The following GNG12 variants were observed in gnomAD, a reference collection of about 807,000 sequenced individuals.
GNG12 encodes the protein G protein subunit gamma 12.
For missense variants in GNG12, 69 were observed against 83.8 expected (o/e 0.82, Z 0.69); for synonymous variants, 28 against 29.7 (o/e 0.94, Z 0.19).
chr1:67,717,304 T>C (rs1646331182), intron 2 of GNG12, among the ~76,000 whole-genome samples: 1 of 152,008 alleles, frequency 6.6e-6, no homozygotes, highest in Non-Finnish European at 1.5e-5. Context: ...TCACTTGAGG[T>C]CAGGAGTTGA....
intron 2 of GNG12, among the ~76,000 whole-genome samples, chr1:67,771,968 G>A (rs528784937): frequency 3.0e-4 from 46 of 152,226 alleles, no homozygotes; most frequent in Non-Finnish European, 5.6e-4. Flanking sequence ...GTTCCATAAG[G>A]AGCTATGCTT....
intron 2 of GNG12, among the ~76,000 whole-genome samples, chr1:67,744,134 T>G (rs777717725): frequency 5.9e-5 from 9 of 152,324 alleles, no homozygotes; most frequent in Non-Finnish European, 8.8e-5. Flanking sequence ...ATTACCTCAT[T>G]TAATCTTCAC....
Position 67,821,049 on chromosome 1 carries a change from T to C in GNG12, c.-77+12295A>G, listed in dbSNP as rs189361753. ...AGCTGTTTTATTCCTAAGCCAAATA[T>C]GGTGTTTCATCAATTCTAAGAAGCA... On this transcript the variant is annotated intron_variant, in intron 1 of 3. Coordinates refer to ENST00000370982, the MANE Select transcript of GNG12 (RefSeq NM_018841.6). Among the ~76,000 whole-genome samples the C allele has an allele frequency of 3.3e-5, 5 of 152,266 alleles. No homozygotes were observed. In the East Asian group the frequency reaches 9.7e-4, roughly 29 times the overall value.
At chr1:67,765,374 G>A (rs1417376174) in intron 2 of GNG12, among the ~76,000 whole-genome samples, 1 of 152,130 alleles carries the variant, frequency 6.6e-6, no homozygotes, top group South Asian at 2.1e-4. Flanking sequence ...CTTGAGGGAT[G>A]AAGATCTAGA....
chr1:67,749,052 A>G (rs516953), intron 2 of GNG12, among the ~76,000 whole-genome samples: 108,310 of 151,994 alleles, frequency 0.71, 38,710 homozygotes, highest in African/African-American at 0.76. Context: ...GGAGGGGAGG[A>G]GGTGGGGAAC....
At chr1:67,750,005 A>G (rs1475382378) in intron 2 of GNG12, among the ~76,000 whole-genome samples, 1 of 152,188 alleles carries the variant, frequency 6.6e-6, no homozygotes, top group Non-Finnish European at 1.5e-5. Context: ...AAAGGCTATG[A>G]TTCACCAGGG....
chr1:67,792,277 G>A (rs1646805816), intron 1 of GNG12, among the ~76,000 whole-genome samples: 1 of 152,020 alleles, frequency 6.6e-6, no homozygotes, highest in African/African-American at 2.4e-5. Context: ...CCTGACACAG[G>A]CTAGGCATTC....
At chr1:67,785,104 G>A (rs1163129838) in intron 1 of GNG12, among the ~76,000 whole-genome samples, 3 of 108,960 alleles carry the variant, frequency 2.8e-5, no homozygotes, top group Admixed American at 1.0e-4. Context: ...GTGAAGAGAA[G>A]TATTTTGTGC....
At chr1:67,787,560 G>GA (rs1432638536) in intron 1 of GNG12, among the ~76,000 whole-genome samples, 1 of 152,176 alleles carries the variant, frequency 6.6e-6, no homozygotes, top group Non-Finnish European at 1.5e-5. Flanking sequence ...CTTCACATCA[G>GA]AAAGAGCACT....
intron 2 of GNG12, among the ~76,000 whole-genome samples, chr1:67,776,627 A>T (rs1646706902): frequency 6.6e-6 from 1 of 152,186 alleles, no homozygotes; most frequent in Non-Finnish European, 1.5e-5. Context: ...CCTGACAGCC[A>T]GTGACCCCCA....
At chr1:67,764,883 G>A (rs1646626767) in intron 2 of GNG12, among the ~76,000 whole-genome samples, 1 of 152,156 alleles carries the variant, frequency 6.6e-6, no homozygotes, top group Admixed American at 6.6e-5. Context: ...CAAGTAGCAA[G>A]AACACAGAGG....
chr1:67,749,188 G>A (rs769936269), intron 2 of GNG12, among the ~76,000 whole-genome samples: 1 of 152,182 alleles, frequency 6.6e-6, no homozygotes, highest in East Asian at 1.9e-4. Flanking sequence ...TAGTTTGGAG[G>A]GAGACAGATT....
intron 2 of GNG12, among the ~76,000 whole-genome samples, chr1:67,742,486 G>A (rs1327534225): frequency 1.3e-5 from 2 of 152,076 alleles, no homozygotes; most frequent in African/African-American, 4.8e-5. Flanking sequence ...CTCTGTGGCA[G>A]GCACTGTGCT....
At position 67,814,041 on chromosome 1, in the gene GNG12, G is replaced by A. The variant is rs149100252; in HGVS notation, c.-77+19303C>T. On this transcript the variant is annotated intron_variant, in intron 1 of 3. Coordinates refer to ENST00000370982, the MANE Select transcript of GNG12 (RefSeq NM_018841.6). ...TACATAGGTAGCAAGTGTCAGAGCT[G>A]GGATTTAAACCCTGCCAGTCAGGCT... 2.2e-4 allele frequency among the ~76,000 whole-genome samples: 33 copies of A among 152,240 alleles called. No homozygotes were observed. In the East Asian group the frequency reaches 3.9e-3, roughly 18 times the overall value.
intron 2 of GNG12, among the ~76,000 whole-genome samples, chr1:67,721,473 T>A (rs1336689489): frequency 6.6e-6 from 1 of 152,136 alleles, no homozygotes; most frequent in Non-Finnish European, 1.5e-5. Flanking sequence ...TAACAATCCT[T>A]ATGAATGATT....
intron 2 of GNG12, among the ~76,000 whole-genome samples, chr1:67,715,319 C>A (rs978969136): frequency 2.0e-5 from 3 of 152,300 alleles, no homozygotes; most frequent in Non-Finnish European, 4.4e-5. Flanking sequence ...TGAGAAAATT[C>A]ATTTCTGTTG....
chr1:67,705,819 C>G (rs777790109), intron 3 of GNG12, among the ~76,000 whole-genome samples: 2 of 152,158 alleles, frequency 1.3e-5, no homozygotes, highest in Admixed American at 1.3e-4. Context: ...CAAACTGGCA[C>G]CATGTATCCC....
intron 2 of GNG12, among the ~76,000 whole-genome samples, chr1:67,750,249 G>C (rs529041172): frequency 1.3e-5 from 2 of 152,170 alleles, no homozygotes; most frequent in Non-Finnish European, 2.9e-5. Flanking sequence ...CAGGAAAAAT[G>C]AGAGAGTCTT....
chr1:67,744,154 A>G (rs114217028), intron 2 of GNG12, among the ~76,000 whole-genome samples: 536 of 152,302 alleles, frequency 3.5e-3, no homozygotes, highest in Non-Finnish European at 6.4e-3. Context: ...CACTAACCCT[A>G]TGAGGGGGTA....
Sources: allele counts gnomAD v4.1 joint callset (sites outside exome capture counted in the v4.1 genomes callset), GRCh38; gene constraint gnomAD v4.1.1; transcripts MANE v1.5; gene names NCBI Gene and HGNC (gene_info 2026-07-23, HGNC 2026-07-21).